BBS9: variants seen among roughly 807,000 people sequenced by gnomAD.
BBS9 encodes Bardet-Biedl syndrome 9, also known as protein PTHB1.
BBS9 carries 89 observed loss-of-function variants against 117.7 expected under a neutral mutation model. That is an observed-to-expected ratio of 0.76 (90% CI 0.64 to 0.90). BBS9 has a LOEUF of 0.90. BBS9 is among the 40% of genes least tolerant of loss of function. The pLI, the probability that BBS9 is intolerant of heterozygous loss-of-function variation, is 0.00. For synonymous variants in BBS9, 379 were observed against 370.9 expected (o/e 1.02, Z -0.25); for missense variants, 982 against 1,042.2 (o/e 0.94, Z 0.80).
At chr7:33,390,774 A>T (rs540508056) in intron 19 of BBS9, 1 of 270,096 alleles carries the variant, frequency 3.7e-6, no homozygotes, top group Admixed American at 6.5e-5. Context: ...AAATGTAATC[A>T]TTCTTACTGT....
At chr7:33,153,614 T>TA (rs1793673209) in intron 3 of BBS9, among the ~76,000 whole-genome samples, 1 of 152,202 alleles carries the variant, frequency 6.6e-6, no homozygotes, top group Non-Finnish European at 1.5e-5. Context: ...TCTACATTTG[T>TA]TTATCATAAT....
At chr7:33,441,527 T>G (rs1045915249) in intron 19 of BBS9, among the ~76,000 whole-genome samples, 4 of 152,246 alleles carry the variant, frequency 2.6e-5, no homozygotes, top group Non-Finnish European at 5.9e-5. Context: ...TTTGGATTAT[T>G]ACTACATAAA....
intron 5 of BBS9, among the ~76,000 whole-genome samples, chr7:33,223,089 A>G (rs974888148): frequency 5.3e-5 from 8 of 151,922 alleles, no homozygotes; most frequent in Non-Finnish European, 8.8e-5. Context: ...AACACAATAC[A>G]TTAAAAAATT....
intron 17 of BBS9, among the ~76,000 whole-genome samples, chr7:33,383,405 A>T (rs568713025): frequency 6.6e-6 from 1 of 152,202 alleles, no homozygotes; most frequent in East Asian, 1.9e-4. Flanking sequence ...GAAGCCTATT[A>T]TAAGATATAT....
chr7:33,518,245 C>CTTTTTTTTTTTTTTTTTTTTTT (rs747829401), intron 20 of BBS9, among the ~76,000 whole-genome samples: 5 of 93,930 alleles, frequency 5.3e-5, no homozygotes, highest in Non-Finnish European at 9.9e-5. Context: ...TGTATATATT[C>CTTTTTTTTTTTTTTTTTTTTTT]TTTTTTTTTT....
chr7:33,211,480 TTTG>T (rs1367425521), intron 5 of BBS9, among the ~76,000 whole-genome samples: 1 of 93,978 alleles, frequency 1.1e-5, no homozygotes, highest in Non-Finnish European at 2.6e-5. Flanking sequence ...CCTGCTTTTT[TTTG>T]TTTATTTTTG....
chr7:33,155,702 G>T lies in BBS9; in HGVS notation c.328G>T (p.Gly110Ter). 1 of 1,520,190 alleles carries T rather than the reference G, an allele frequency of 6.6e-7. No homozygotes were observed. The highest frequency in any genetic ancestry group is 1.1e-5 in the South Asian group (1 of 88,246). 94.2% of individuals were successfully genotyped at this position (1,520,190 alleles called of 1,614,324 possible). ...AAAACTTTGTGTCTACTCTGTCTCA[G>T]GTAAGAAATATTTTTACCAATGTAG... Reference protein sequence around the residue: ...SRKLCVYSVSGTLGNVEHGNQ... With the variant: ...SRKLCVYSVS Residue 110 changes from glycine to a stop codon, truncating the protein, a stop_gained and splice_region_variant, in exon 4 of 23, where the codon GGA becomes TGA. Coordinates refer to ENST00000242067, the MANE Select transcript of BBS9 (RefSeq NM_198428.3). LOFTEE classifies it high-confidence loss of function.
intron 9 of BBS9, among the ~76,000 whole-genome samples, chr7:33,293,551 A>T: frequency 6.6e-6 from 1 of 152,172 alleles, no homozygotes; most frequent in Non-Finnish European, 1.5e-5. Flanking sequence ...CCATGATGTC[A>T]TCTAGGAAAA....
Position 33,533,856 on chromosome 7 carries a change from A to G in BBS9, c.2299-98A>G, listed in dbSNP as rs73690906. 1.2e-3 allele frequency: 1,708 copies of G among 1,383,594 alleles called. 18 individuals are homozygous for G. The African/African-American group carries it at 0.022, about 17-fold the overall frequency. The allele number at this position is 1,383,594 out of a possible 1,614,324, so 85.7% of individuals were successfully genotyped here. On this transcript the variant is annotated intron_variant, in intron 20 of 22. Coordinates refer to ENST00000242067, the MANE Select transcript of BBS9 (RefSeq NM_198428.3). ...ACCACACTCTTCACAGGTTCCCAAC[A>G]CTTGAACATAAACACTCAATAATCT...
chr7:33,524,988 G>A (rs564456189), intron 20 of BBS9, among the ~76,000 whole-genome samples: 22 of 152,230 alleles, frequency 1.4e-4, no homozygotes, highest in African/African-American at 5.1e-4. Context: ...CTTTATTTCT[G>A]CCTTCATTTT....
chr7:33,499,260 T>A (rs1248901891), intron 19 of BBS9, among the ~76,000 whole-genome samples: 1 of 152,206 alleles, frequency 6.6e-6, no homozygotes, highest in East Asian at 1.9e-4. Context: ...TTAGAGATCA[T>A]GTTTCCTACA....
At chr7:33,231,215 G>C (rs1562842650) in intron 5 of BBS9, among the ~76,000 whole-genome samples, 1 of 151,808 alleles carries the variant, frequency 6.6e-6, no homozygotes, top group Non-Finnish European at 1.5e-5. Flanking sequence ...TGTTGCCCAG[G>C]TTGGCCATGA....
intron 5 of BBS9, among the ~76,000 whole-genome samples, chr7:33,253,112 T>A (rs1796480995): frequency 1.3e-5 from 2 of 152,232 alleles, no homozygotes. Context: ...TAATGTTATC[T>A]AACATGCAGT....
At chr7:33,550,818 A>G (rs766528619) in intron 21 of BBS9, among the ~76,000 whole-genome samples, 22 of 152,206 alleles carry the variant, frequency 1.4e-4, no homozygotes, top group East Asian at 1.2e-3. Context: ...TGAATATCCA[A>G]TTCTAAAAAG....
intron 19 of BBS9, among the ~76,000 whole-genome samples, chr7:33,440,344 TA>T (rs1397523035): frequency 6.6e-6 from 1 of 152,230 alleles, no homozygotes; most frequent in African/African-American, 2.4e-5. Flanking sequence ...CAGTACATGG[TA>T]TATGTTCTTA....
intron 17 of BBS9, among the ~76,000 whole-genome samples, chr7:33,376,166 G>A (rs1823851329): frequency 1.3e-5 from 2 of 152,034 alleles, no homozygotes; most frequent in South Asian, 2.1e-4. Context: ...ATTTTTTCCT[G>A]ATTTTCTCCT....
At chr7:33,263,878 A>G (rs1039963510) in intron 6 of BBS9, among the ~76,000 whole-genome samples, 1 of 152,110 alleles carries the variant, frequency 6.6e-6, no homozygotes, top group African/African-American at 2.4e-5. Flanking sequence ...ACTGGGGTTA[A>G]ACTGAGTTCT....
chr7:33,525,882 G>T (rs1849409614), intron 20 of BBS9, among the ~76,000 whole-genome samples: 1 of 151,528 alleles, frequency 6.6e-6, no homozygotes, highest in Non-Finnish European at 1.5e-5. Context: ...TGCAGCGGCT[G>T]GTACAGGTTG....
At chr7:33,362,805 G>T (rs185934036) in intron 16 of BBS9, among the ~76,000 whole-genome samples, 1 of 152,056 alleles carries the variant, frequency 6.6e-6, no homozygotes, top group Non-Finnish European at 1.5e-5. Context: ...TGGCTGTTGG[G>T]ATTTTGATTG....
Sources: allele counts gnomAD v4.1 joint callset (sites outside exome capture counted in the v4.1 genomes callset), GRCh38; gene constraint gnomAD v4.1.1; transcripts MANE v1.5; gene names NCBI Gene and HGNC (gene_info 2026-07-23, HGNC 2026-07-21).